The following XKR6 variants were observed in gnomAD, a reference collection of about 807,000 sequenced individuals.
The protein encoded by XKR6 is XK-related protein 6.
Under a neutral mutation model 56.7 loss-of-function variants are expected in XKR6, and 22 were observed. That is an observed-to-expected ratio of 0.39 (90% confidence interval 0.28 to 0.55). XKR6 has a LOEUF of 0.55. Ranked by LOEUF, XKR6 falls within the 20% of genes least tolerant of loss-of-function variation. XKR6 has a pLI of 0.66. For synonymous variants in XKR6, 524 were observed against 387.8 expected, an observed-to-expected ratio of 1.35 and a Z score of -4.13; for missense variants, 852 against 889.0, an observed-to-expected ratio of 0.96 and a Z score of 0.53.
intron 1 of XKR6, among the ~76,000 whole-genome samples, chr8:11,115,483 G>C (rs1030531078): frequency 2.0e-5 from 3 of 152,136 alleles, no homozygotes; most frequent in Non-Finnish European, 4.4e-5. Context: ...ATATGTTACA[G>C]AATGTTTTAC....
chr8:11,111,248 T>A (rs1276372145), intron 1 of XKR6, among the ~76,000 whole-genome samples: 2 of 152,140 alleles, frequency 1.3e-5, no homozygotes, highest in Non-Finnish European at 2.9e-5. Context: ...CCCTTTTGGC[T>A]ACTAATTTTG....
At chr8:10,938,389 G>C (rs769852201) in intron 1 of XKR6, among the ~76,000 whole-genome samples, 18 of 152,224 alleles carry the variant, frequency 1.2e-4, no homozygotes, top group Non-Finnish European at 2.1e-4. Context: ...GAGCTGTAGA[G>C]CGGAGCTGTT....
chr8:11,062,972 G>C (rs1400455812), intron 1 of XKR6: 1 of 383,642 alleles, frequency 2.6e-6, no homozygotes, highest in Non-Finnish European at 5.2e-6. Context: ...AGAGCCCCTG[G>C]AGATGGAGGA....
intron 1 of XKR6, chr8:11,108,303 G>C: frequency 4.4e-6 from 2 of 456,258 alleles, no homozygotes; most frequent in South Asian, 3.1e-5. Context: ...ATCTGCTGCA[G>C]ATTTAAGTGT....
chr8:11,134,322 C>T (rs944998991), intron 1 of XKR6, among the ~76,000 whole-genome samples: 1 of 152,164 alleles, frequency 6.6e-6, no homozygotes, highest in South Asian at 2.1e-4. Context: ...AAAACAAAGA[C>T]TTCTGTCATA....
chr8:11,013,078 G>T (rs957999151), intron 1 of XKR6, among the ~76,000 whole-genome samples: 1 of 152,138 alleles, frequency 6.6e-6, no homozygotes, highest in Non-Finnish European at 1.5e-5. Context: ...CACACAGCAG[G>T]TTGGGTGCCA....
At chr8:11,100,962 T>G (rs1454968146) in intron 1 of XKR6, among the ~76,000 whole-genome samples, 4 of 152,116 alleles carry the variant, frequency 2.6e-5, no homozygotes, top group Admixed American at 2.0e-4. Context: ...AGGAGACAGT[T>G]TCCTCACCCA....
chr8:11,040,817 C>T (rs1299165534), intron 1 of XKR6, among the ~76,000 whole-genome samples: 1 of 152,224 alleles, frequency 6.6e-6, no homozygotes, highest in Non-Finnish European at 1.5e-5. Context: ...GACATTAACA[C>T]TCTGGCTGTA....
At chr8:11,090,394 G>A (rs904060388) in intron 1 of XKR6, among the ~76,000 whole-genome samples, 3 of 134,138 alleles carry the variant, frequency 2.2e-5, no homozygotes, top group East Asian at 3.9e-4. Context: ...ACTTCCAGTC[G>A]CTTTTTAATG....
chr8:10,976,177 AG>A (rs1279631767), intron 1 of XKR6, among the ~76,000 whole-genome samples: 4 of 145,262 alleles, frequency 2.8e-5, no homozygotes, highest in African/African-American at 1.1e-4. Flanking sequence ...CTCCATCTCA[AG>A]AAAAAAAAAA....
At chr8:10,991,245 G>A (rs1797986358) in intron 1 of XKR6, among the ~76,000 whole-genome samples, 1 of 152,062 alleles carries the variant, frequency 6.6e-6, no homozygotes, top group Admixed American at 6.6e-5. Flanking sequence ...GGTGAGAGTA[G>A]GGGGGAAATG....
At chr8:10,910,542 T>G (rs985710687) in intron 2 of XKR6, among the ~76,000 whole-genome samples, 4 of 152,302 alleles carry the variant, frequency 2.6e-5, no homozygotes, top group African/African-American at 9.6e-5. Flanking sequence ...CTTCTACAGC[T>G]GCAGGAAAGA....
intron 1 of XKR6, among the ~76,000 whole-genome samples, chr8:11,146,863 A>T (rs1238231477): frequency 1.3e-5 from 2 of 152,064 alleles, no homozygotes; most frequent in African/African-American, 4.8e-5. Flanking sequence ...AAATGAAACA[A>T]GCCAGACACA....
At chr8:11,091,436 C>CAAAT (rs141357916) in intron 1 of XKR6, among the ~76,000 whole-genome samples, 28,443 of 142,680 alleles carry the variant, frequency 0.2, 3,947 homozygotes, top group African/African-American at 0.4. Context: ...GACCCTGACT[C>CAAAT]AAATAAATAA....
intron 1 of XKR6, among the ~76,000 whole-genome samples, chr8:11,088,576 T>C (rs1797968013): frequency 6.6e-6 from 1 of 152,170 alleles, no homozygotes; most frequent in African/African-American, 2.4e-5. Flanking sequence ...CACCTTTCCT[T>C]CCTTCCTTAG....
At chr8:11,077,052 G>A (rs1156822592) in intron 1 of XKR6, among the ~76,000 whole-genome samples, 1 of 142,450 alleles carries the variant, frequency 7.0e-6, no homozygotes, top group Non-Finnish European at 1.5e-5. Context: ...GCACATGCCT[G>A]TAGTCCCAAG....
At chr8:10,912,970 G>C (rs950908734) in intron 2 of XKR6, among the ~76,000 whole-genome samples, 3 of 150,210 alleles carry the variant, frequency 2.0e-5, no homozygotes, top group South Asian at 2.1e-4. Flanking sequence ...TCTGTAGAGA[G>C]AAGATGAGTG....
At chr8:11,138,007 G>A (rs10096326) in intron 1 of XKR6, 11 of 303,386 alleles carry the variant, frequency 3.6e-5, no homozygotes, top group Non-Finnish European at 5.8e-5. Flanking sequence ...CTTCTACCTC[G>A]GAAGACATCA....
At chr8:10,919,213 C>A (rs951329820) in intron 2 of XKR6, among the ~76,000 whole-genome samples, 1 of 152,184 alleles carries the variant, frequency 6.6e-6, no homozygotes, top group Non-Finnish European at 1.5e-5. Context: ...TTTGTGCAAG[C>A]TACTCCCATT....
Sources: allele counts gnomAD v4.1 joint callset (sites outside exome capture counted in the v4.1 genomes callset), GRCh38; gene constraint gnomAD v4.1.1; transcripts MANE v1.5; gene names NCBI Gene and HGNC (gene_info 2026-07-23, HGNC 2026-07-21).